The following NCOA7 variants were observed in gnomAD, a reference collection of about 807,000 sequenced individuals.
NCOA7 encodes 140 kDa estrogen receptor-associated protein.
Under a neutral mutation model 104.3 loss-of-function variants are expected in NCOA7, and 45 were observed. The observed-to-expected ratio is 0.43, with a 90% CI of 0.34 to 0.55. NCOA7 has a LOEUF of 0.55. Ranked by LOEUF, NCOA7 falls within the 20% of genes least tolerant of loss-of-function variation. NCOA7 has a pLI of 0.02. For synonymous variants in NCOA7, 398 were observed against 402.3 expected (o/e 0.99, Z 0.13); for missense variants, 1,041 against 1,119.7 (o/e 0.93, Z 1.00).
intron 11 of NCOA7, among the ~76,000 whole-genome samples, chr6:125,916,830 T>C (rs532845752): frequency 2.6e-5 from 4 of 152,374 alleles, no homozygotes; most frequent in East Asian, 1.9e-4. Context: ...TGAATTCATC[T>C]GTGTCCATGT....
intron 2 of NCOA7, among the ~76,000 whole-genome samples, chr6:125,839,640 G>A (rs1779953915): frequency 1.3e-5 from 2 of 152,012 alleles, no homozygotes. Context: ...AGTGTTTTAG[G>A]AAGTCTGTGC....
chr6:125,823,689 T>G (rs889866856), intron 2 of NCOA7, among the ~76,000 whole-genome samples: 1 of 152,250 alleles, frequency 6.6e-6, no homozygotes, highest in African/African-American at 2.4e-5. Flanking sequence ...TAGCCATTAA[T>G]AGTTAGACTC....
At chr6:125,928,386 G>A (rs1788225515) in intron 15 of NCOA7, 139 bp downstream of exon 15, 2 of 834,154 alleles carry the variant, frequency 2.4e-6, no homozygotes, top group East Asian at 2.5e-5. Context: ...TAGGACAGAG[G>A]CTAACACAGA....
At chr6:125,874,518 G>A (rs1439722355) in intron 3 of NCOA7, among the ~76,000 whole-genome samples, 2 of 152,138 alleles carry the variant, frequency 1.3e-5, no homozygotes, top group East Asian at 3.9e-4. Flanking sequence ...ACTTTTCTAT[G>A]GCTATTGTTA....
intron 10 of NCOA7, among the ~76,000 whole-genome samples, chr6:125,906,397 A>G (rs1786008146): frequency 6.6e-6 from 1 of 152,190 alleles, no homozygotes; most frequent in Non-Finnish European, 1.5e-5. Flanking sequence ...AAAAAGCTAC[A>G]GGTGAGTACG....
intron 1 of NCOA7, chr6:125,798,016 G>A (rs1442908024): frequency 6.6e-6 from 1 of 152,224 alleles, no homozygotes; most frequent in Non-Finnish European, 1.5e-5. Context: ...CATCAAAGAA[G>A]TGCAGATTAC....
At chr6:125,924,777 G>T (rs1197165979) in intron 13 of NCOA7, among the ~76,000 whole-genome samples, 1 of 152,186 alleles carries the variant, frequency 6.6e-6, no homozygotes, top group Non-Finnish European at 1.5e-5. Context: ...CCCCCGCTGA[G>T]ACTGACAGTG....
At chr6:125,876,828 G>A (rs1783418236) in intron 4 of NCOA7, among the ~76,000 whole-genome samples, 1 of 152,024 alleles carries the variant, frequency 6.6e-6, no homozygotes, top group Non-Finnish European at 1.5e-5. Flanking sequence ...AGCTGTGGAT[G>A]ATCAAGCATT....
chr6:125,832,538 GGGAAATGAAGTTTGCAGCCTGGATAGA>G (rs1262327517), intron 2 of NCOA7, among the ~76,000 whole-genome samples: 23 of 152,200 alleles, frequency 1.5e-4, no homozygotes, highest in African/African-American at 5.3e-4. Context: ...CCCTGGATAG[GGGAAATGAAGTTTGCAGCCTGGATAGA>G]GGAAATGAGT....
At chr6:125,893,860 G>T (rs561999915) in intron 10 of NCOA7, among the ~76,000 whole-genome samples, 1 of 152,104 alleles carries the variant, frequency 6.6e-6, no homozygotes, top group South Asian at 2.1e-4. Flanking sequence ...TGTACACTAC[G>T]ACTTGAAACA....
rs199630399 is a variant in NCOA7 at position 125,879,867 on chromosome 6, G to GGT, written c.460-1221_460-1220dup. Among the ~76,000 whole-genome samples, 608 of 152,194 alleles carry GGT rather than the reference G, an allele frequency of 4.0e-3. 3 individuals carry two copies. The highest frequency in any genetic ancestry group is 0.014 in the African/African-American group (583 of 41,516). On this transcript the variant is annotated intron_variant, in intron 5 of 15. Coordinates refer to ENST00000392477, the MANE Select transcript of NCOA7 (RefSeq NM_181782.5). ...CAAAAATTAGCCAGTAGCCAGGCTT[G>GGT]GTGGTGGGTTCCTATAATCCCAGCT...
intron 1 of NCOA7, among the ~76,000 whole-genome samples, chr6:125,785,272 C>T (rs1774413227): frequency 6.6e-6 from 1 of 152,012 alleles, no homozygotes; most frequent in East Asian, 1.9e-4. Flanking sequence ...CAGGAGATGG[C>T]GGTTGCAGTG....
At chr6:125,905,642 G>A (rs907661731) in intron 10 of NCOA7, among the ~76,000 whole-genome samples, 3 of 152,130 alleles carry the variant, frequency 2.0e-5, no homozygotes, top group African/African-American at 7.2e-5. Flanking sequence ...ATACAGAAAG[G>A]TGAACAAAAT....
intron 1 of NCOA7, among the ~76,000 whole-genome samples, chr6:125,796,412 C>T (rs374309314): frequency 7.1e-6 from 1 of 141,042 alleles, no homozygotes; most frequent in East Asian, 2.1e-4. Flanking sequence ...GGTTCCAGGA[C>T]CCCTGCAGAT....
chr6:125,867,892 A>G (rs954286961), intron 3 of NCOA7, among the ~76,000 whole-genome samples: 11 of 152,228 alleles, frequency 7.2e-5, no homozygotes, highest in Non-Finnish European at 1.5e-4. Flanking sequence ...TCTTCCTTCC[A>G]GAAAGCTGGG....
intron 1 of NCOA7, among the ~76,000 whole-genome samples, chr6:125,811,100 T>C (rs767817179): frequency 6.6e-6 from 1 of 152,202 alleles, no homozygotes; most frequent in Non-Finnish European, 1.5e-5. Flanking sequence ...ATGTAGGAGA[T>C]GAACTTTAAA....
chr6:125,875,050 T>C, intron 4 of NCOA7, 82 bp downstream of exon 4: 1 of 1,041,670 alleles, frequency 9.6e-7, no homozygotes, highest in East Asian at 2.4e-5. Context: ...TCCTGCCCCT[T>C]GGCTGCATTC....
chr6:125,866,500 G>A (rs1449381826), intron 3 of NCOA7, among the ~76,000 whole-genome samples: 2 of 152,052 alleles, frequency 1.3e-5, no homozygotes, highest in Non-Finnish European at 2.9e-5. Context: ...TGTGCACATT[G>A]CAAAGTGCTT....
chr6:125,790,413 T>C (rs1774716916), upstream of NCOA7, among the ~76,000 whole-genome samples: 1 of 152,166 alleles, frequency 6.6e-6, no homozygotes, highest in Non-Finnish European at 1.5e-5. Context: ...GGCGGTTCGC[T>C]GGGGCAGCAA....
Sources: allele counts gnomAD v4.1 joint callset (sites outside exome capture counted in the v4.1 genomes callset), GRCh38; gene constraint gnomAD v4.1.1; transcripts MANE v1.5; gene names NCBI Gene and HGNC (gene_info 2026-07-23, HGNC 2026-07-21).